Variants in FAT4 observed in about 807,000 individuals in gnomAD.
The protein encoded by FAT4 is FAT atypical cadherin 4.
FAT4 carries 84 observed loss-of-function variants against 303.9 expected under a neutral mutation model. The ratio of observed to expected loss-of-function variants is 0.28; its 90% CI spans 0.23 to 0.33. The LOEUF (loss-of-function observed/expected upper bound fraction) is 0.33. FAT4 is among the 10% of genes least tolerant of loss of function. The pLI, the probability that FAT4 is intolerant of heterozygous loss-of-function variation, is 1.00. For missense variants in FAT4, 6,005 were observed against 6,146.8 expected (o/e 0.98, Z 0.77); for synonymous variants, 2,307 against 2,298.8 (o/e 1.00, Z -0.10).
chr4:125,335,097 T>C (rs1490698419), intron 2 of FAT4, among the ~76,000 whole-genome samples: 1 of 152,176 alleles, frequency 6.6e-6, no homozygotes, highest in African/African-American at 2.4e-5. Flanking sequence ...GAATTTTCTC[T>C]GTAGGACAAG....
intron 2 of FAT4, among the ~76,000 whole-genome samples, chr4:125,323,570 C>A (rs1419565314): frequency 6.6e-6 from 1 of 151,856 alleles, no homozygotes; most frequent in East Asian, 1.9e-4. Flanking sequence ...AAATTGTAAA[C>A]CCAATTTGAG....
intron 3 of FAT4, 57 bp from the exon 4 acceptor site, chr4:125,406,823 A>T: frequency 6.4e-7 from 1 of 1,558,434 alleles, no homozygotes; most frequent in Non-Finnish European, 8.7e-7. Flanking sequence ...AAAAGAAAAT[A>T]TAAGGAGCAA....
chr4:125,348,998 A>G (rs1284872476), intron 2 of FAT4, among the ~76,000 whole-genome samples: 2 of 151,684 alleles, frequency 1.3e-5, no homozygotes, highest in African/African-American at 2.4e-5. Flanking sequence ...AGAAATAATG[A>G]ATCTATGCAT....
chr4:125,480,438 A>G (rs1272039254), intron 15 of FAT4, among the ~76,000 whole-genome samples: 1 of 152,144 alleles, frequency 6.6e-6, no homozygotes, highest in Admixed American at 6.5e-5. Context: ...TGTTCATATC[A>G]TCATTAGAAA....
Position 125,451,367 on chromosome 4 carries a change from G to C in FAT4, c.10357G>C (p.Gly3453Arg). The change falls in exon 10 of 18, where the codon GGT becomes CGT. Residue 3453 changes from glycine to arginine, a missense_variant. Gly to Arg is a moderately radical substitution (Grantham distance 125). Transcript: ENST00000394329. ...SYFIGSGNEN[G>R]AFSINPQTGQ... ...CTTCATCGGATCAGGGAATGAAAAT[G>C]GTGCCTTTTCTATTAATCCGCAGAC... 4 of 1,614,064 alleles carry C rather than the reference G, an allele frequency of 2.5e-6. No homozygotes were observed. The highest frequency in any genetic ancestry group is 2.5e-6 in the Non-Finnish European group (3 of 1,180,014).
At chr4:125,460,807 G>A (rs909462019) in intron 10 of FAT4, among the ~76,000 whole-genome samples, 1 of 152,102 alleles carries the variant, frequency 6.6e-6, no homozygotes, top group African/African-American at 2.4e-5. Context: ...ACCCAGTAAT[G>A]GGATTGTTGG....
At chr4:125,391,146 G>A (rs1733959736) in intron 2 of FAT4, among the ~76,000 whole-genome samples, 1 of 152,130 alleles carries the variant, frequency 6.6e-6, no homozygotes, top group South Asian at 2.1e-4. Context: ...AGTACCATTT[G>A]ACCCAGCAAT....
chr4:125,417,936 T>C (rs1735135888), intron 7 of FAT4, among the ~76,000 whole-genome samples: 1 of 152,210 alleles, frequency 6.6e-6, no homozygotes, highest in Non-Finnish European at 1.5e-5. Flanking sequence ...CTGGGTGATC[T>C]TGAAATTAAT....
intron 3 of FAT4, among the ~76,000 whole-genome samples, chr4:125,404,979 A>G (rs1734533562): frequency 1.3e-5 from 2 of 151,542 alleles, no homozygotes; most frequent in South Asian, 4.2e-4. Flanking sequence ...ACTTGGGACC[A>G]GAAGTGTCTC....
chr4:125,324,759 A>G (rs890636281), intron 2 of FAT4, among the ~76,000 whole-genome samples: 2 of 152,192 alleles, frequency 1.3e-5, no homozygotes, highest in Admixed American at 1.3e-4. Context: ...TGTCAAGGAC[A>G]CCCCTGGAGA....
At position 125,317,377 on chromosome 4, in the gene FAT4, G is replaced by T; in HGVS notation, c.966G>T (p.Thr322=). The part of the protein sequence containing the change: ...DFEARRQYSL[T]VQAMDRGVPS... ...AAGCTCGGCGCCAATACTCGCTTAC[G>T]GTGCAGGCGATGGACAGAGGCGTGC... Residue 322 remains threonine (T), a synonymous_variant, in exon 2 of 18, where the codon ACG becomes ACT. Transcript: ENST00000394329. The surrounding 1 kb of genome is among the most constrained non-coding windows in gnomAD (Gnocchi z 7.0). 5 of 1,613,480 alleles carry T rather than the reference G, an allele frequency of 3.1e-6. No homozygotes were observed. The highest frequency in any genetic ancestry group is 3.4e-6 in the Non-Finnish European group (4 of 1,180,040).
chr4:125,329,196 G>A (rs1051648914), intron 2 of FAT4, among the ~76,000 whole-genome samples: 1 of 152,050 alleles, frequency 6.6e-6, no homozygotes, highest in Admixed American at 6.6e-5. Flanking sequence ...CTTTTTGAAA[G>A]AGTTGCCTGT....
chr4:125,459,694 A>G (rs992102769), intron 10 of FAT4, among the ~76,000 whole-genome samples: 2 of 152,090 alleles, frequency 1.3e-5, no homozygotes, highest in Non-Finnish European at 2.9e-5. Context: ...GTCTTTGTGC[A>G]AGTCCTATCA....
intron 2 of FAT4, among the ~76,000 whole-genome samples, chr4:125,394,506 C>T (rs1208365963): frequency 1.3e-5 from 2 of 152,054 alleles, no homozygotes; most frequent in African/African-American, 4.8e-5. Context: ...CTTTTAAGAT[C>T]TCAGAATTTT....
At chr4:125,436,878 G>A (rs1725472710) in intron 8 of FAT4, among the ~76,000 whole-genome samples, 1 of 151,756 alleles carries the variant, frequency 6.6e-6, no homozygotes, top group South Asian at 2.1e-4. Context: ...TTTTTGAGAT[G>A]GAGTCTTGCT....
At chr4:125,370,875 G>A (rs1243067321) in intron 2 of FAT4, among the ~76,000 whole-genome samples, 1 of 152,108 alleles carries the variant, frequency 6.6e-6, no homozygotes, top group South Asian at 2.1e-4. Context: ...GCCAGCCTGG[G>A]TGGCTCACGC....
chr4:125,485,002 G>A (rs770408596), intron 16 of FAT4, among the ~76,000 whole-genome samples: 5 of 151,940 alleles, frequency 3.3e-5, no homozygotes, highest in African/African-American at 4.8e-5. Flanking sequence ...ACAGGTGTGC[G>A]TAACCATGCC....
intron 2 of FAT4, among the ~76,000 whole-genome samples, chr4:125,387,549 C>T (rs774175086): frequency 1.4e-4 from 22 of 152,194 alleles, no homozygotes; most frequent in African/African-American, 4.8e-4. Context: ...ATCTATGATT[C>T]GTTCCTCTTG....
At chr4:125,340,989 GTGT>G in intron 2 of FAT4, among the ~76,000 whole-genome samples, 1 of 152,168 alleles carries the variant, frequency 6.6e-6, no homozygotes, top group East Asian at 1.9e-4. Flanking sequence ...AATGTGTTAT[GTGT>G]TGTTATGTAG....
Sources: gnomAD v4.1 joint callset for allele counts (sites outside exome capture counted in the v4.1 genomes callset) on GRCh38, gnomAD v4.1.1 for gene constraint, Gnocchi (gnomAD v3.1) non-coding constraint, MANE v1.5 for transcripts, NCBI Gene and HGNC (gene_info 2026-07-23, HGNC 2026-07-21) for gene names.